The following HMGB1 variants were observed in gnomAD, a reference collection of about 807,000 sequenced individuals.
HMGB1 encodes high mobility group box 1.
For synonymous variants in HMGB1, 81 were observed against 84.0 expected, an observed-to-expected ratio of 0.96 and a Z score of 0.19; for missense variants, 79 against 253.5, an observed-to-expected ratio of 0.31 and a Z score of 4.67.
chr13:30,465,693 TG>T, intron 1 of HMGB1, 102 bp downstream of exon 1: 1 of 510,668 alleles, frequency 2.0e-6, no homozygotes, highest in Non-Finnish European at 2.5e-6. Context: ...TGCCTTTGTG[TG>T]GATCCTGACC....
intron 1 of HMGB1, among the ~76,000 whole-genome samples, chr13:30,511,887 T>C (rs536990405): frequency 1.2e-3 from 184 of 152,292 alleles, no homozygotes; most frequent in Non-Finnish European, 1.9e-3. Context: ...AGCTACATCT[T>C]CAAGGCCTTT....
chr13:30,617,260 A>G (rs1317439174), exon 1 of HMGB1: 2 of 152,366 alleles, frequency 1.3e-5, no homozygotes, highest in Non-Finnish European at 2.9e-5. Context: ...AACACCCCAG[A>G]ATCCTGGTAG....
intron 1 of HMGB1, among the ~76,000 whole-genome samples, chr13:30,510,351 C>G (rs140456561): frequency 1.8e-3 from 271 of 152,304 alleles, no homozygotes; most frequent in Middle Eastern, 3.4e-3. Context: ...TCTCTCAAAT[C>G]CTTTCCCCAT....
upstream of HMGB1, among the ~76,000 whole-genome samples, chr13:30,466,573 A>G (rs1018203136): frequency 1.3e-5 from 2 of 152,182 alleles, no homozygotes; most frequent in African/African-American, 4.8e-5. Flanking sequence ...CTGGGCTCAT[A>G]AGCCGTCACG....
chr13:30,557,839 TAAG>T (rs970012551), intron 1 of HMGB1, among the ~76,000 whole-genome samples: 1 of 152,212 alleles, frequency 6.6e-6, no homozygotes, highest in Admixed American at 6.5e-5. Flanking sequence ...AAGCGGATGT[TAAG>T]AAGAGAGCGA....
intron 1 of HMGB1, among the ~76,000 whole-genome samples, chr13:30,500,204 C>T (rs1350836723): frequency 1.3e-5 from 2 of 152,154 alleles, no homozygotes; most frequent in African/African-American, 2.4e-5. Context: ...AGATGCAGCA[C>T]GAAAGCTTGC....
At chr13:30,587,012 A>T (rs1871182318) in intron 1 of HMGB1, among the ~76,000 whole-genome samples, 1 of 152,156 alleles carries the variant, frequency 6.6e-6, no homozygotes, top group Admixed American at 6.6e-5. Flanking sequence ...TATAATTAAA[A>T]TGTAATATTT....
At chr13:30,603,078 A>G (rs1950419189) in intron 1 of HMGB1, among the ~76,000 whole-genome samples, 1 of 152,154 alleles carries the variant, frequency 6.6e-6, no homozygotes, top group Non-Finnish European at 1.5e-5. Context: ...AAGTGTTAGG[A>G]TTACAGGTAT....
intron 1 of HMGB1, among the ~76,000 whole-genome samples, chr13:30,474,759 CTTTT>C (rs549499620): frequency 1.1e-5 from 1 of 92,822 alleles, no homozygotes; most frequent in Non-Finnish European, 2.0e-5. Flanking sequence ...TCTCTCTCTC[CTTTT>C]TTTTTTTTTT....
chr13:30,467,265 C>G (rs1350278580), upstream of HMGB1, among the ~76,000 whole-genome samples: 13 of 152,180 alleles, frequency 8.5e-5, no homozygotes, highest in Admixed American at 7.9e-4. Flanking sequence ...CTAAATCCAA[C>G]AACCAATTCC....
chr13:30,541,198 A>G (rs1180783366), intron 1 of HMGB1, among the ~76,000 whole-genome samples: 1 of 152,194 alleles, frequency 6.6e-6, no homozygotes, highest in Non-Finnish European at 1.5e-5. Context: ...AGGGGCTGGA[A>G]AACGAAACTC....
chr13:30,465,942 C>G (rs1482659136), upstream of HMGB1: 11 of 986,068 alleles, frequency 1.1e-5, no homozygotes, highest in East Asian at 6.8e-4. Context: ...ACATTACTCT[C>G]CAGCCAGCGC....
chr13:30,595,271 G>A (rs1312663776), intron 1 of HMGB1, among the ~76,000 whole-genome samples: 1 of 152,090 alleles, frequency 6.6e-6, no homozygotes, highest in African/African-American at 2.4e-5. Flanking sequence ...TACTGCATTT[G>A]TTTCTAAATA....
chr13:30,526,473 A>T (rs894572023), intron 1 of HMGB1, among the ~76,000 whole-genome samples: 1 of 152,220 alleles, frequency 6.6e-6, no homozygotes, highest in African/African-American at 2.4e-5. Context: ...AGACATTAAG[A>T]CAGAGAACAG....
chr13:30,462,788 G>A, intron 3 of HMGB1, 76 bp from the exon 4 acceptor site: 4 of 1,138,262 alleles, frequency 3.5e-6, no homozygotes, highest in Non-Finnish European at 5.1e-6. Flanking sequence ...ACACTGCATT[G>A]CTATTTAAAG....
chr13:30,488,972 G>T (rs1887426712), intron 1 of HMGB1, among the ~76,000 whole-genome samples: 2 of 152,122 alleles, frequency 1.3e-5, no homozygotes, highest in Admixed American at 1.3e-4. Context: ...TAGACAAAAG[G>T]TTAAACATGA....
intron 1 of HMGB1, among the ~76,000 whole-genome samples, chr13:30,603,866 AG>A (rs112099501): frequency 3.3e-5 from 5 of 152,340 alleles, no homozygotes; most frequent in South Asian, 2.1e-4. Context: ...AATAATGACA[AG>A]GAAAAAAGTC....
At chr13:30,513,354 T>C (rs1239480963) in intron 1 of HMGB1, among the ~76,000 whole-genome samples, 1 of 152,208 alleles carries the variant, frequency 6.6e-6, no homozygotes, top group Non-Finnish European at 1.5e-5. Context: ...CCTGGAGTCC[T>C]CTGCTTCAGG....
At chr13:30,567,585 C>T (rs1383511058) in intron 1 of HMGB1, among the ~76,000 whole-genome samples, 1 of 152,062 alleles carries the variant, frequency 6.6e-6, no homozygotes, top group Admixed American at 6.6e-5. Flanking sequence ...CTCCTGACCT[C>T]GTGATCCGCC....
Sources: gnomAD v4.1 joint callset for allele counts (sites outside exome capture counted in the v4.1 genomes callset) on GRCh38, gnomAD v4.1.1 for gene constraint, MANE v1.5 for transcripts, NCBI Gene and HGNC (gene_info 2026-07-23, HGNC 2026-07-21) for gene names.